The following GPR183 variants were observed in gnomAD, a reference collection of about 807,000 sequenced individuals.
The protein encoded by GPR183 is EBV-induced G-protein coupled receptor 2.
GPR183 carries 9 observed loss-of-function variants against 19.7 expected under a neutral mutation model. That is an observed-to-expected ratio of 0.46 (90% CI 0.28 to 0.80). The LOEUF is 0.80. Among genes scored for constraint, GPR183 ranks in the 30% least tolerant of loss-of-function variants. The pLI is 0.13. For synonymous variants in GPR183, 160 were observed against 155.1 expected, an observed-to-expected ratio of 1.03 and a Z score of -0.24; for missense variants, 368 against 446.7, an observed-to-expected ratio of 0.82 and a Z score of 1.59.
chr13:99,299,078 T>C (rs527795953), intron 1 of GPR183, among the ~76,000 whole-genome samples: 1 of 152,284 alleles, frequency 6.6e-6, no homozygotes, highest in East Asian at 1.9e-4. Context: ...ATTATTATTG[T>C]AGAAATTAGG....
intron 1 of GPR183, among the ~76,000 whole-genome samples, chr13:99,301,682 A>G (rs1221935879): frequency 1.3e-5 from 2 of 152,330 alleles, no homozygotes; most frequent in East Asian, 3.9e-4. Context: ...TCATTTATTT[A>G]GCATCTAAGA....
intron 1 of GPR183, among the ~76,000 whole-genome samples, chr13:99,299,765 G>A (rs1340118249): frequency 6.6e-6 from 1 of 152,100 alleles, no homozygotes; most frequent in Non-Finnish European, 1.5e-5. Flanking sequence ...GTGTCATCAT[G>A]TAGAAACCTC....
intron 1 of GPR183, among the ~76,000 whole-genome samples, chr13:99,304,544 G>A (rs1316923767): frequency 1.3e-5 from 2 of 152,296 alleles, no homozygotes; most frequent in Admixed American, 6.5e-5. Context: ...TTAAAGAATA[G>A]CAACATTGCA....
At chr13:99,299,831 A>T (rs2044231951) in intron 1 of GPR183, among the ~76,000 whole-genome samples, 3 of 152,192 alleles carry the variant, frequency 2.0e-5, no homozygotes, top group African/African-American at 7.2e-5. Context: ...GCAGGTGATA[A>T]AACTGACAAT....
rs937957390 is a variant in GPR183 at position 99,295,705 on chromosome 13, A to G, written c.441T>C (p.His147=). The G allele has an allele frequency of 2.5e-6, 4 of 1,614,056 alleles. No individual in the cohort carries two copies. The highest frequency in any genetic ancestry group is 2.2e-5 in the South Asian group (2 of 91,092). ...LRYNKIKRIE[H]AKGVCIFVWI... Reference sequence around the variant, plus strand: ...AGACAAATATGCACACGCCTTTTGCATGTTCAATCCTTTTTATCTTGTTGT... The same window carrying G: ...AGACAAATATGCACACGCCTTTTGCGTGTTCAATCCTTTTTATCTTGTTGT... The change falls in exon 2 of 2, where the codon CAT becomes CAC. Residue 147 remains histidine, a synonymous_variant. Transcript: ENST00000376414. This position sits in a 1 kb window ranked among gnomAD's most constrained non-coding sequence, Gnocchi z 4.1.
Position 99,295,991 on chromosome 13 carries a change from G to C in GPR183, c.155C>G (p.Ala52Gly). The C allele has an allele frequency of 6.2e-7, 1 of 1,614,084 alleles. No individual in the cohort carries two copies. Among genetic ancestry groups the C allele is most frequent in the East Asian group, 2.2e-5 (1 of 44,884 alleles). ...CCTGTTTTGAACAATGACGACCAAG[G>C]CTAGTAAGTTTCCCACGAGCCCAAT... ...FIIGLVGNLL[A>G]LVVIVQNRKK... The change falls in exon 2 of 2, where the codon GCC becomes GGC. Residue 52 changes from alanine to glycine, a missense_variant. Coordinates refer to ENST00000376414, the MANE Select transcript of GPR183 (RefSeq NM_004951.5). The surrounding 1 kb of genome is among the most constrained non-coding windows in gnomAD (Gnocchi z 4.1).
At chr13:99,297,597 G>A (rs987062566) in intron 1 of GPR183, among the ~76,000 whole-genome samples, 2 of 151,958 alleles carry the variant, frequency 1.3e-5, no homozygotes, top group African/African-American at 4.8e-5. Flanking sequence ...AGTGTTGATA[G>A]GTTAGTCATT....
intron 1 of GPR183, among the ~76,000 whole-genome samples, chr13:99,300,229 C>T (rs922380501): frequency 3.3e-5 from 5 of 152,300 alleles, no homozygotes; most frequent in Admixed American, 6.5e-5. Flanking sequence ...CCTTAACTGA[C>T]GACCGTTGTG....
intron 1 of GPR183, among the ~76,000 whole-genome samples, chr13:99,305,615 G>C (rs576897554): frequency 3.1e-4 from 47 of 152,134 alleles, no homozygotes; most frequent in Admixed American, 1.8e-3. Flanking sequence ...ATAGAAACCT[G>C]AGTTAATATT....
chr13:99,296,893 A>G (rs1594100070), intron 1 of GPR183, among the ~76,000 whole-genome samples: 1 of 151,958 alleles, frequency 6.6e-6, no homozygotes, highest in African/African-American at 2.4e-5. Context: ...TCAATCTGCA[A>G]GTACTCCATG....
At chr13:99,297,659 A>C (rs530285244) in intron 1 of GPR183, among the ~76,000 whole-genome samples, 2 of 152,158 alleles carry the variant, frequency 1.3e-5, no homozygotes, top group Non-Finnish European at 1.5e-5. Flanking sequence ...AAATGGAAAT[A>C]AAACATTTTA....
rs773773228 is a variant in GPR183, at chr13:99,295,086, G to A, written c.1060C>T (p.His354Tyr). ...REMTETQMMIHSKSSNGK is the reference protein window; with the variant it reads ...REMTETQMMIYSKSSNGK ...CACTTTCCATTTGAAGACTTGGAATGTATCATCATCTGCGTTTCTGTCATT... is the reference window on the plus strand; with the variant it reads ...CACTTTCCATTTGAAGACTTGGAATATATCATCATCTGCGTTTCTGTCATT... The change falls in exon 2 of 2, where the codon CAT becomes TAT. Residue 354 changes from histidine to tyrosine, a missense_variant. Physicochemically the swap from His to Tyr is moderately conservative, Grantham distance 83. Transcript: ENST00000376414. This position sits in a 1 kb window ranked among gnomAD's most constrained non-coding sequence, Gnocchi z 4.1. 5 of 1,613,968 alleles carry A rather than the reference G, an allele frequency of 3.1e-6. No homozygotes were observed. In the South Asian group the frequency reaches 4.4e-5, roughly 14 times the overall value.
At chr13:99,297,575 T>A (rs577786873) in intron 1 of GPR183, among the ~76,000 whole-genome samples, 8 of 152,222 alleles carry the variant, frequency 5.3e-5, no homozygotes, top group Non-Finnish European at 1.2e-4. Context: ...GTTAGAGGTA[T>A]GCATTCTGTA....
intron 1 of GPR183, among the ~76,000 whole-genome samples, chr13:99,302,459 G>T (rs1566493192): frequency 6.6e-6 from 1 of 152,220 alleles, no homozygotes; most frequent in Middle Eastern, 3.2e-3. Context: ...AGGGAAGAAA[G>T]AAATCATTCA....
At position 99,296,014 on chromosome 13, in the gene GPR183, A is replaced by G. The variant is rs1448198260; in HGVS notation, c.132T>C (p.Ile44=). The change falls in exon 2 of 2, where the codon ATT becomes ATC. Residue 44 remains isoleucine (I), a synonymous_variant. Transcript: ENST00000376414. Reference sequence around the variant, plus strand: ...AGGCTAGTAAGTTTCCCACGAGCCCAATGATGAAGACGAGGCTGTAATGCA... The same window carrying G: ...AGGCTAGTAAGTTTCCCACGAGCCCGATGATGAAGACGAGGCTGTAATGCA... ...MPLHYSLVFI[I]GLVGNLLALV... is the part of the protein sequence containing the mutation. The G allele has an allele frequency of 6.2e-7, 1 of 1,614,144 alleles. No individual in the cohort carries two copies. Among genetic ancestry groups the G allele is most frequent in the Non-Finnish European group, 8.5e-7 (1 of 1,180,018 alleles).
At position 99,294,982 on chromosome 13, in the gene GPR183, A is replaced by G; in HGVS notation, c.*78T>C. 6 of 1,471,256 alleles carry G rather than the reference A, an allele frequency of 4.1e-6. No individual in the cohort carries two copies. Among genetic ancestry groups the G allele is most frequent in the Non-Finnish European group, 5.5e-6 (6 of 1,093,046 alleles). 91.1% of individuals were successfully genotyped at this position (1,471,256 alleles called of 1,614,324 possible). A position where few individuals can be genotyped will look rare whatever the true frequency, so the allele number is the denominator to read the frequency against. On this transcript the variant is annotated 3_prime_UTR_variant, in exon 2 of 2. Coordinates refer to ENST00000376414, the MANE Select transcript of GPR183 (RefSeq NM_004951.5). ...AAGAATACTAATTGGAAGCTGAACAATTATTTTGCTTTATAAGGGAAGTCC... is the reference window on the plus strand; with the variant it reads ...AAGAATACTAATTGGAAGCTGAACAGTTATTTTGCTTTATAAGGGAAGTCC...
chr13:99,298,589 A>G (rs960171726), intron 1 of GPR183, among the ~76,000 whole-genome samples: 3 of 152,186 alleles, frequency 2.0e-5, no homozygotes, highest in Non-Finnish European at 4.4e-5. Flanking sequence ...CTAGAAAAGA[A>G]CTGTTTGTCC....
chr13:99,305,423 A>G (rs1026764494), intron 1 of GPR183, among the ~76,000 whole-genome samples: 19 of 152,236 alleles, frequency 1.2e-4, no homozygotes, highest in African/African-American at 4.3e-4. Flanking sequence ...GGTCTTAACC[A>G]TAGCAGAGAG....
At position 99,295,527 on chromosome 13, in the gene GPR183, G is replaced by A; in HGVS notation, c.619C>T (p.Leu207Phe). 1 of 1,613,956 alleles carries A rather than the reference G, an allele frequency of 6.2e-7. No individual in the cohort carries two copies. The highest frequency in any genetic ancestry group is 1.7e-5 in the Admixed American group (1 of 60,014). The change falls in exon 2 of 2, where the codon CTT becomes TTT. Residue 207 changes from leucine (L) to phenylalanine (F), a missense_variant. Physicochemically the swap from Leu to Phe is conservative, Grantham distance 22. Transcript: ENST00000376414. This position sits in a 1 kb window ranked among gnomAD's most constrained non-coding sequence, Gnocchi z 4.1. The stretch of plus-strand genomic sequence containing the variant: ...CAGATGAGAATGATTATAAGTGGAA[G>A]TACATATCCTATGAAACATGCCCCA... Reference protein sequence around the residue: ...LLGACFIGYVLPLIIILICYS... With the variant: ...LLGACFIGYVFPLIIILICYS...
Sources: gnomAD v4.1 joint callset for allele counts (sites outside exome capture counted in the v4.1 genomes callset) on GRCh38, gnomAD v4.1.1 for gene constraint, Gnocchi (gnomAD v3.1) non-coding constraint, MANE v1.5 for transcripts, NCBI Gene and HGNC (gene_info 2026-07-23, HGNC 2026-07-21) for gene names.